The following CMIP variants were observed in gnomAD, a reference collection of about 807,000 sequenced individuals.
CMIP encodes the protein C-Maf-inducing protein.
CMIP carries 13 observed loss-of-function variants against 97.3 expected under a neutral mutation model. That is an observed-to-expected ratio of 0.13 (90% CI 0.09 to 0.21). The LOEUF (loss-of-function observed/expected upper bound fraction) is 0.21, where lower values mean the gene tolerates loss of function less well. Among genes scored for constraint, CMIP ranks in the 10% least tolerant of loss-of-function variants. The pLI is 1.00. For synonymous variants in CMIP, 538 were observed against 436.3 expected (o/e 1.23, Z -2.91); for missense variants, 847 against 1,024.9 (o/e 0.83, Z 2.37).
At chr16:81,528,456 A>G (rs1026532837) in intron 1 of CMIP, among the ~76,000 whole-genome samples, 1 of 152,128 alleles carries the variant, frequency 6.6e-6, no homozygotes, top group African/African-American at 2.4e-5. Flanking sequence ...TCATGCATTG[A>G]ATTGATATGA....
At chr16:81,546,058 C>A (rs372928617) in intron 1 of CMIP, among the ~76,000 whole-genome samples, 2 of 152,160 alleles carry the variant, frequency 1.3e-5, no homozygotes, top group South Asian at 2.1e-4. Flanking sequence ...GAGAACATCA[C>A]AGCCAGCAGT....
At position 81,626,807 on chromosome 16, in the gene CMIP, GT is replaced by G. The variant is rs1169061149; in HGVS notation, c.477+5882del. ...AGAGAGAGTGTGTGTGTGTGTGTGT[GT>G]GTGTGTGTGGGGTGCATATGGGGTG... On this transcript the variant is annotated intron_variant, in intron 3 of 20. Transcript: ENST00000537098. 2.5e-3 allele frequency among the ~76,000 whole-genome samples: 333 copies of G among 131,272 alleles called. 6 individuals are homozygous for G. Among genetic ancestry groups the G allele is most frequent in the Non-Finnish European group, 3.7e-3 (219 of 59,338 alleles). 86.1% of individuals were successfully genotyped at this position (131,272 alleles called of 152,430 possible).
intron 1 of CMIP, among the ~76,000 whole-genome samples, chr16:81,490,003 G>C (rs2089380590): frequency 6.6e-6 from 1 of 152,214 alleles, no homozygotes; most frequent in Non-Finnish European, 1.5e-5. Context: ...CCTTTGGACT[G>C]GTGCTCTTTG....
intron 1 of CMIP, among the ~76,000 whole-genome samples, chr16:81,570,599 CCTT>C (rs2091070646): frequency 6.6e-6 from 1 of 152,184 alleles, no homozygotes; most frequent in African/African-American, 2.4e-5. Context: ...AGACTGATCC[CCTT>C]CTTCCTGGAG....
chr16:81,598,100 C>T (rs1181973699), intron 1 of CMIP, among the ~76,000 whole-genome samples: 1 of 152,126 alleles, frequency 6.6e-6, no homozygotes, highest in East Asian at 1.9e-4. Flanking sequence ...CTAATCCTGA[C>T]CACAAGGCTG....
chr16:81,527,580 C>G lies in CMIP; in HGVS notation c.301-79987C>G, dbSNP rs563256555. Among the ~76,000 whole-genome samples the G allele has an allele frequency of 1.8e-4, 28 of 152,362 alleles. No homozygotes were observed. The South Asian group carries it at 5.8e-3, about 32-fold the overall frequency. On this transcript the variant is annotated intron_variant, in intron 1 of 20. Transcript: ENST00000537098. ...TTTGTTTCTACCATGGAAGCATCCTCAGACTTTTCCCAGAGACCACCCTTC... is the reference window on the plus strand; with the variant it reads ...TTTGTTTCTACCATGGAAGCATCCTGAGACTTTTCCCAGAGACCACCCTTC...
At chr16:81,607,192 G>C (rs140202362) in intron 1 of CMIP, among the ~76,000 whole-genome samples, 38 of 152,186 alleles carry the variant, frequency 2.5e-4, no homozygotes, top group Non-Finnish European at 8.8e-5. Context: ...AAGAGAAATC[G>C]GTGCTTTCTG....
intron 1 of CMIP, among the ~76,000 whole-genome samples, chr16:81,554,276 C>T (rs2090718007): frequency 6.6e-6 from 1 of 152,164 alleles, no homozygotes; most frequent in African/African-American, 2.4e-5. Context: ...AAAATGCTCT[C>T]CTCTTCAAAA....
rs188155782 is a variant in CMIP at position 81,504,409 on chromosome 16, A to G, written c.300+58868A>G. Among the ~76,000 whole-genome samples, 31 of 151,604 alleles carry G rather than the reference A, an allele frequency of 2.0e-4. 1 individual carries two copies. Among genetic ancestry groups the G allele is most frequent in the African/African-American group, 7.5e-4 (31 of 41,330 alleles). ...TGTAATCTTAGCACTTTGGGAGGCCAAGGCAGGTGGATCACTTGAGGTCAA... is the reference window on the plus strand; with the variant it reads ...TGTAATCTTAGCACTTTGGGAGGCCGAGGCAGGTGGATCACTTGAGGTCAA... On this transcript the variant is annotated intron_variant, in intron 1 of 20. Transcript: ENST00000537098.
At position 81,672,008 on chromosome 16, in the gene CMIP, G is replaced by A. The variant is rs2092687775; in HGVS notation, c.972G>A (p.Leu324=). 6.2e-7 allele frequency: 1 copy of A among 1,605,562 alleles called. No homozygotes were observed. Among genetic ancestry groups the A allele is most frequent in the Non-Finnish European group, 8.5e-7 (1 of 1,175,776 alleles). ...GGCACTGCCCCCACCCCCGGGTCCT[G>A]CCCAACCTGGTGGCCGTGTGCCTGG... ...PTGHCPHPRV[L]PNLVAVCLAA... The change falls in exon 9 of 21, where the codon CTG becomes CTA. Residue 324 remains leucine (L), a synonymous_variant. Transcript: ENST00000537098.
At chr16:81,470,672 G>C (rs1240854133) in intron 1 of CMIP, among the ~76,000 whole-genome samples, 1 of 152,196 alleles carries the variant, frequency 6.6e-6, no homozygotes, top group Non-Finnish European at 1.5e-5. Context: ...TTCCCAGGCT[G>C]GTCTTGAGCT....
At chr16:81,674,638 T>C (rs1389683011) in intron 9 of CMIP, among the ~76,000 whole-genome samples, 1 of 151,346 alleles carries the variant, frequency 6.6e-6, no homozygotes. Context: ...CAGGCTGGAG[T>C]GCAGTGGCAC....
chr16:81,535,052 G>C (rs944303062), intron 1 of CMIP, among the ~76,000 whole-genome samples: 1 of 152,142 alleles, frequency 6.6e-6, no homozygotes, highest in Admixed American at 6.5e-5. Context: ...CCGGGTTCAT[G>C]CCATTCTCCT....
intron 1 of CMIP, among the ~76,000 whole-genome samples, chr16:81,525,341 C>T (rs1164956492): frequency 6.6e-6 from 1 of 151,882 alleles, no homozygotes; most frequent in South Asian, 2.1e-4. Flanking sequence ...CAGGGTTTCA[C>T]CATGTTGGCC....
intron 1 of CMIP, among the ~76,000 whole-genome samples, chr16:81,503,842 T>G (rs2089656206): frequency 6.6e-6 from 1 of 152,260 alleles, no homozygotes; most frequent in Admixed American, 6.5e-5. Flanking sequence ...TCACCAGGCC[T>G]GTCAGTGACA....
At chr16:81,606,023 A>G (rs1467742581) in intron 1 of CMIP, among the ~76,000 whole-genome samples, 2 of 152,236 alleles carry the variant, frequency 1.3e-5, no homozygotes, top group African/African-American at 4.8e-5. Context: ...CCCCATCACC[A>G]TAACTCTCGT....
intron 1 of CMIP, among the ~76,000 whole-genome samples, chr16:81,498,855 C>A (rs2089543188): frequency 6.6e-6 from 1 of 152,202 alleles, no homozygotes. Flanking sequence ...TTAGTTTACA[C>A]CGTGCACACC....
chr16:81,444,895 G>T lies in CMIP; in HGVS notation c.-347G>T, dbSNP rs898841704. Among the ~76,000 whole-genome samples, 2 of 17,970 alleles carry T rather than the reference G, an allele frequency of 1.1e-4. No homozygotes were observed. Among genetic ancestry groups the T allele is most frequent in the African/African-American group, 4.5e-4 (2 of 4,484 alleles). The allele number at this position is 17,970 out of a possible 152,430, so 11.8% of individuals were successfully genotyped here. On this transcript the variant is annotated 5_prime_UTR_variant, in exon 1 of 21. Coordinates refer to ENST00000537098, the MANE Select transcript of CMIP (RefSeq NM_198390.3). ...CCCGAGACACGCCCGCCCCCACCCC[G>T]CCGCCCCCACCCCGGCGCCCGCCCT...
At chr16:81,504,999 G>A (rs2089682156) in intron 1 of CMIP, among the ~76,000 whole-genome samples, 1 of 152,260 alleles carries the variant, frequency 6.6e-6, no homozygotes, top group Admixed American at 6.5e-5. Context: ...GTGAGGCTGG[G>A]CTGTGCAACG....
Sources: allele counts gnomAD v4.1 joint callset (sites outside exome capture counted in the v4.1 genomes callset), GRCh38; gene constraint gnomAD v4.1.1; transcripts MANE v1.5; gene names NCBI Gene and HGNC (gene_info 2026-07-23, HGNC 2026-07-21).